Variants in EPHA5 observed in about 807,000 individuals in gnomAD.
The protein encoded by EPHA5 is ephrin type-A receptor 5.
EPHA5 carries 60 observed loss-of-function variants against 105.0 expected under a neutral mutation model. The ratio of observed to expected loss-of-function variants is 0.57; its 90% confidence interval spans 0.46 to 0.71. The LOEUF is 0.71. EPHA5 is among the 30% of genes least tolerant of loss of function. The pLI is 0.00. For synonymous variants in EPHA5, 513 were observed against 449.1 expected, an observed-to-expected ratio of 1.14 and a Z score of -1.80; for missense variants, 1,218 against 1,274.7, an observed-to-expected ratio of 0.96 and a Z score of 0.68.
At chr4:65,342,839 C>T (rs1043838179) in intron 14 of EPHA5, among the ~76,000 whole-genome samples, 8 of 151,808 alleles carry the variant, frequency 5.3e-5, no homozygotes, top group African/African-American at 1.9e-4. Flanking sequence ...GAGAGGCACA[C>T]CCAGTACAAA....
At chr4:65,396,347 A>T (rs1721236945) in intron 8 of EPHA5, among the ~76,000 whole-genome samples, 1 of 152,192 alleles carries the variant, frequency 6.6e-6, no homozygotes, top group Non-Finnish European at 1.5e-5. Flanking sequence ...TGACAGTTAT[A>T]TAGAAGCCTT....
At chr4:65,465,533 A>AAAAGG (rs1728610735) in intron 5 of EPHA5, among the ~76,000 whole-genome samples, 1 of 69,656 alleles carries the variant, frequency 1.4e-5, no homozygotes, top group Non-Finnish European at 2.9e-5. Context: ...GAAAGAAAAG[A>AAAAGG]AAGGAAAGGA....
In EPHA5 at chr4:65,536,068, C is replaced by T. The variant is rs114414823; in HGVS notation, c.911-40525G>A. On this transcript the variant is annotated intron_variant, in intron 3 of 16. Transcript: ENST00000613740. ...TATTTGTGATAGAAATAAAATATTACCTTCATGTTTTTAACATACTTTATA... is the reference window on the plus strand; with the variant it reads ...TATTTGTGATAGAAATAAAATATTATCTTCATGTTTTTAACATACTTTATA... Among the ~76,000 whole-genome samples, 1,198 of 151,544 alleles carry T rather than the reference C, an allele frequency of 7.9e-3. 15 individuals are homozygous for T. The highest frequency in any genetic ancestry group is 0.027 in the African/African-American group (1,116 of 41,376).
intron 5 of EPHA5, among the ~76,000 whole-genome samples, chr4:65,446,704 G>A (rs1726568559): frequency 6.6e-6 from 1 of 152,128 alleles, no homozygotes; most frequent in Admixed American, 6.5e-5. Context: ...TGCATGTATG[G>A]ACATAAAGTA....
rs144690777 is a variant in EPHA5 at position 65,529,493 on chromosome 4, C to A, written c.911-33950G>T. On this transcript the variant is annotated intron_variant, in intron 3 of 16. Transcript: ENST00000613740. ...ATACAACATATTCAGTTATGTACAT[C>A]CTTCAGAGAAAGAAAGAAAAAAACA... is the stretch of plus-strand genomic sequence containing the variant. Among the ~76,000 whole-genome samples, 357 of 150,932 alleles carry A rather than the reference C, an allele frequency of 2.4e-3. 2 individuals are homozygous for A. The highest frequency in any genetic ancestry group is 3.8e-3 in the Non-Finnish European group (256 of 67,430).
intron 2 of EPHA5, among the ~76,000 whole-genome samples, chr4:65,614,883 CA>C (rs1429960623): frequency 2.0e-5 from 3 of 151,112 alleles, no homozygotes; most frequent in Non-Finnish European, 4.4e-5. Context: ...CTGTAATGAT[CA>C]AAAAGAAAGT....
At chr4:65,402,441 T>C (rs1327528363) in intron 8 of EPHA5, among the ~76,000 whole-genome samples, 1 of 152,162 alleles carries the variant, frequency 6.6e-6, no homozygotes, top group Admixed American at 6.6e-5. Flanking sequence ...AGATGCCACA[T>C]AAGGGTAAGT....
At chr4:65,579,805 T>C (rs1457498415) in intron 3 of EPHA5, among the ~76,000 whole-genome samples, 2 of 151,926 alleles carry the variant, frequency 1.3e-5, no homozygotes, top group Non-Finnish European at 2.9e-5. Flanking sequence ...CCAGCAATAA[T>C]AGAACCTCCT....
chr4:65,566,699 T>C (rs1429951141), intron 3 of EPHA5, among the ~76,000 whole-genome samples: 1 of 151,878 alleles, frequency 6.6e-6, no homozygotes, highest in African/African-American at 2.4e-5. Context: ...CCTCTTCCTG[T>C]CAGTTGTAAG....
In EPHA5 at chr4:65,322,588, A is replaced by C. The variant is rs1719722375; in HGVS notation, c.*1526T>G. The C allele has an allele frequency of 4.5e-6, 1 of 224,292 alleles. No homozygotes were observed. Among genetic ancestry groups the C allele is most frequent in the South Asian group, 1.8e-4 (1 of 5,474 alleles). The allele number at this position is 224,292 out of a possible 1,614,324, so 13.9% of individuals were successfully genotyped here. A position where few individuals can be genotyped will look rare whatever the true frequency, so the allele number is the denominator to read the frequency against. On this transcript the variant is annotated 3_prime_UTR_variant, in exon 17 of 17. Coordinates refer to ENST00000613740, the MANE Select transcript of EPHA5 (RefSeq NM_001281766.3). ...TTTTGGACAATTTCTAATACACTGCATAATTTGTATCACAAATATAAGTCT... is the reference window on the plus strand; with the variant it reads ...TTTTGGACAATTTCTAATACACTGCCTAATTTGTATCACAAATATAAGTCT...
At chr4:65,380,804 T>G (rs1038906397) in intron 8 of EPHA5, among the ~76,000 whole-genome samples, 1 of 151,780 alleles carries the variant, frequency 6.6e-6, no homozygotes, top group African/African-American at 2.4e-5. Flanking sequence ...CAAGTGACAC[T>G]GAAAAGTGGC....
At chr4:65,610,478 C>T (rs962735194) in intron 2 of EPHA5, among the ~76,000 whole-genome samples, 1 of 151,532 alleles carries the variant, frequency 6.6e-6, no homozygotes, top group Non-Finnish European at 1.5e-5. Context: ...ATGCAGTTTC[C>T]CCATGTAACA....
chr4:65,365,106 T>C lies in EPHA5; in HGVS notation c.2084A>G (p.Lys695Arg), dbSNP rs2148888449. 1 of 1,611,968 alleles carries C rather than the reference T, an allele frequency of 6.2e-7. No homozygotes were observed. Among genetic ancestry groups the C allele is most frequent in the Non-Finnish European group, 8.5e-7 (1 of 1,178,534 alleles). Residue 695 changes from lysine (K) to arginine (R), a missense_variant, in exon 11 of 17, where the codon AAG becomes AGG. Lys to Arg is a conservative substitution (Grantham distance 26). Coordinates refer to ENST00000613740, the MANE Select transcript of EPHA5 (RefSeq NM_001281766.3). ...TTCACCTAGGAAATCTCTGCGTTGC[T>C]TTTCAGTATAGCCTACTTTAAGGGT... is the stretch of plus-strand genomic sequence containing the variant. Reference protein sequence around the residue: ...IKTLKVGYTEKQRRDFLGEAS... With the variant: ...IKTLKVGYTERQRRDFLGEAS...
At chr4:65,409,295 C>G (rs1030236349) in intron 7 of EPHA5, among the ~76,000 whole-genome samples, 13 of 127,698 alleles carry the variant, frequency 1.0e-4, no homozygotes, top group African/African-American at 3.5e-4. Flanking sequence ...ACATATGTAA[C>G]AAACCTGCAC....
intron 5 of EPHA5, among the ~76,000 whole-genome samples, chr4:65,453,112 A>G (rs774010242): frequency 3.3e-5 from 5 of 152,154 alleles, no homozygotes; most frequent in Non-Finnish European, 5.9e-5. Context: ...CTCGTAATGT[A>G]AGCTGTTTTT....
At chr4:65,465,474 AG>A (rs879494496) in intron 5 of EPHA5, among the ~76,000 whole-genome samples, 1,412 of 96,480 alleles carry the variant, frequency 0.015, 35 homozygotes, top group Admixed American at 0.053. Context: ...AGAAAAAGAA[AG>A]AAAGAAAGAA....
chr4:65,331,989 C>T lies in EPHA5; in HGVS notation c.2929G>A (p.Ala977Thr), dbSNP rs1310721990. 6.2e-7 allele frequency: 1 copy of T among 1,607,368 alleles called. No homozygotes were observed. The highest frequency in any genetic ancestry group is 8.5e-7 in the Non-Finnish European group (1 of 1,177,208). Residue 977 changes from alanine (A) to threonine (T), a missense_variant, in exon 16 of 17, where the codon GCT becomes ACT. Physicochemically the swap from Ala to Thr is moderately conservative, Grantham distance 58. Coordinates refer to ENST00000613740, the MANE Select transcript of EPHA5 (RefSeq NM_001281766.3). ...ENGYSSMDAV[A>T]QVTLEDLRRL... is the part of the protein sequence containing the mutation. ...ATTACTCACTCCAAGGTCACCTGAG[C>T]CACAGCGTCCATTGAACTGTATCCA...
chr4:65,407,704 A>C (rs903899217), intron 7 of EPHA5, among the ~76,000 whole-genome samples: 2 of 150,730 alleles, frequency 1.3e-5, no homozygotes, highest in Admixed American at 6.6e-5. Flanking sequence ...ATATAATTTT[A>C]TTATTATTAT....
At chr4:65,657,362 G>A (rs913300328) in intron 1 of EPHA5, among the ~76,000 whole-genome samples, 1 of 152,144 alleles carries the variant, frequency 6.6e-6, no homozygotes, top group Non-Finnish European at 1.5e-5. Flanking sequence ...CAAGTGATAT[G>A]AATTCTGAGA....
Sources: gnomAD v4.1 joint callset for allele counts (sites outside exome capture counted in the v4.1 genomes callset) on GRCh38, gnomAD v4.1.1 for gene constraint, MANE v1.5 for transcripts, NCBI Gene and HGNC (gene_info 2026-07-23, HGNC 2026-07-21) for gene names.